Variants in HELZ observed in about 807,000 individuals in gnomAD.
HELZ encodes helicase with zinc finger.
HELZ carries 23 observed loss-of-function variants against 218.2 expected under a neutral mutation model. That is an observed-to-expected ratio of 0.11 (90% CI 0.08 to 0.15). The LOEUF is 0.15. Among genes scored for constraint, HELZ ranks in the 10% least tolerant of loss-of-function variants. The pLI is 1.00. For missense variants in HELZ, 1,813 were observed against 2,353.7 expected (o/e 0.77, Z 4.75); for synonymous variants, 814 against 829.4 (o/e 0.98, Z 0.32).
At chr17:67,114,780 A>C (rs2037381045) in intron 27 of HELZ, among the ~76,000 whole-genome samples, 1 of 152,240 alleles carries the variant, frequency 6.6e-6, no homozygotes, top group African/African-American at 2.4e-5. Context: ...TTATAAATGC[A>C]ATTAAGCAAA....
At chr17:67,139,894 C>A (rs564014349) in intron 21 of HELZ, among the ~76,000 whole-genome samples, 1 of 152,270 alleles carries the variant, frequency 6.6e-6, no homozygotes, top group East Asian at 1.9e-4. Flanking sequence ...CTATGATAAG[C>A]AGTTGGTAGT....
intron 22 of HELZ, 60 bp downstream of exon 22, chr17:67,137,871 T>C (rs2038201360): frequency 5.6e-6 from 7 of 1,246,884 alleles, no homozygotes; most frequent in African/African-American, 1.5e-5. Context: ...AAAAATCCAA[T>C]GTGAACACAC....
At chr17:67,228,707 C>CATT (rs375631612) in intron 3 of HELZ, among the ~76,000 whole-genome samples, 12,303 of 147,448 alleles carry the variant, frequency 0.083, 1,206 homozygotes, top group African/African-American at 0.23. Context: ...CAAATTGATA[C>CATT]ATTATTATTA....
Position 67,151,050 on chromosome 17 carries a change from T to C in HELZ, c.2352A>G (p.Glu784=). ...TSQYLCQLDL[E]PGFFTHILLD... The stretch of plus-strand genomic sequence containing the variant: ...CTGTGTCTTGAGTCAGCATACCAGG[T>C]TCAAGGTCCAACTGACAGAGGTACT... Residue 784 remains glutamate, a synonymous_variant, in exon 18 of 33, where the codon GAA becomes GAG. Transcript: ENST00000358691. The C allele has an allele frequency of 6.2e-7, 1 of 1,613,338 alleles. No individual in the cohort carries two copies. Among genetic ancestry groups the C allele is most frequent in the East Asian group, 2.2e-5 (1 of 44,862 alleles).
intron 17 of HELZ, among the ~76,000 whole-genome samples, chr17:67,154,977 T>C (rs1027605658): frequency 1.3e-5 from 2 of 152,216 alleles, no homozygotes; most frequent in African/African-American, 4.8e-5. Flanking sequence ...AGAAAAACTA[T>C]GCAGTTATGA....
chr17:67,151,472 T>A (rs2038680863), intron 17 of HELZ, among the ~76,000 whole-genome samples: 1 of 152,206 alleles, frequency 6.6e-6, no homozygotes, highest in South Asian at 2.1e-4. Context: ...CACCTAATTA[T>A]TTTTAAGTGT....
intron 31 of HELZ, among the ~76,000 whole-genome samples, chr17:67,102,570 A>ACAAC (rs2143702209): frequency 6.6e-6 from 1 of 152,338 alleles, no homozygotes; most frequent in East Asian, 1.9e-4. Context: ...AGTGGGAGGG[A>ACAAC]AAAGCCTTTT....
chr17:67,215,995 G>A, intron 4 of HELZ, 60 bp from the exon 5 acceptor site: 1 of 946,604 alleles, frequency 1.1e-6, no homozygotes, highest in Non-Finnish European at 1.7e-6. Context: ...TAACAGAGAT[G>A]TTGTCAAAGG....
chr17:67,226,775 C>T (rs1479432342), intron 3 of HELZ, among the ~76,000 whole-genome samples: 1 of 152,090 alleles, frequency 6.6e-6, no homozygotes, highest in African/African-American at 2.4e-5. Context: ...ATAAACAGAC[C>T]TCTTTGTGAT....
chr17:67,245,938 G>C (rs1390885751), upstream of HELZ: 1 of 152,280 alleles, frequency 6.6e-6, no homozygotes, highest in Middle Eastern at 3.4e-3. Flanking sequence ...CCCTGGGAGC[G>C]TCCGGGCTGC....
intron 3 of HELZ, among the ~76,000 whole-genome samples, chr17:67,223,438 T>C (rs1315021696): frequency 6.6e-6 from 1 of 151,728 alleles, no homozygotes; most frequent in Non-Finnish European, 1.5e-5. Flanking sequence ...GTCTTGACTC[T>C]TTCTCTTCCT....
chr17:67,080,259 A>C (rs2036147521), intron 32 of HELZ, among the ~76,000 whole-genome samples: 3 of 152,068 alleles, frequency 2.0e-5, no homozygotes. Context: ...ATTATTACTA[A>C]ATTCTTTTGT....
intron 13 of HELZ, chr17:67,173,030 G>T: frequency 1.0e-6 from 1 of 980,928 alleles, no homozygotes; most frequent in Non-Finnish European, 1.2e-6. Flanking sequence ...GAATCCTCTT[G>T]TGACATTGGT....
chr17:67,242,717 C>T (rs1195385825), intron 2 of HELZ, among the ~76,000 whole-genome samples: 1 of 151,786 alleles, frequency 6.6e-6, no homozygotes, highest in Non-Finnish European at 1.5e-5. Flanking sequence ...ATAAGCACTG[C>T]TGAGTTTCAA....
chr17:67,107,271 A>G lies in HELZ; in HGVS notation c.5139T>C (p.Pro1713=). 6.2e-7 allele frequency: 1 copy of G among 1,614,192 alleles called. No homozygotes were observed. The highest frequency in any genetic ancestry group is 8.5e-7 in the Non-Finnish European group (1 of 1,180,022). The change falls in exon 31 of 33, where the codon CCT becomes CCC. Residue 1713 remains proline (P), a synonymous_variant. Transcript: ENST00000358691. ...GTTGATGATTCTGTATTTGTACAAA[A>G]GGGTTCTGCGGTGGCCTGTGAGGCA... ...PPLPHRPPQN[P]FVQIQNHQHA... is the part of the protein sequence containing the mutation.
At chr17:67,244,667 C>G in intron 1 of HELZ, 1 of 979,588 alleles carries the variant, frequency 1.0e-6, no homozygotes. Context: ...CACTTTTCCC[C>G]ACGCCCCCGC....
Position 67,109,514 on chromosome 17 carries a change from G to A in HELZ, c.4091C>T (p.Pro1364Leu). ...TGGAAAGGGTGGTCTTGGTAGCTGGGGAAGGGGATGAAAGTGGCGATTAGG... is the reference window on the plus strand; with the variant it reads ...TGGAAAGGGTGGTCTTGGTAGCTGGAGAAGGGGATGAAAGTGGCGATTAGG... ...AIPNRHFHPL[P>L]QLPRPPFPIP... Residue 1364 changes from proline to leucine, a missense_variant, in exon 29 of 33, where the codon CCC becomes CTC. By Grantham distance (98) the Pro-to-Leu change is moderately conservative (BLOSUM62 -3). This residue lies in a region of HELZ where 938 missense variants were observed against 1,027.5 expected (regional missense o/e 0.91). Transcript: ENST00000358691. 5.6e-6 allele frequency: 9 copies of A among 1,614,190 alleles called. No individual in the cohort carries two copies. Among genetic ancestry groups the A allele is most frequent in the Non-Finnish European group, 7.6e-6 (9 of 1,180,034 alleles).
At chr17:67,154,755 G>A (rs754385694) in intron 17 of HELZ, among the ~76,000 whole-genome samples, 1 of 151,958 alleles carries the variant, frequency 6.6e-6, no homozygotes, top group African/African-American at 2.4e-5. Context: ...TTGGTGAGGG[G>A]GAAATTTTAC....
intron 28 of HELZ, 150 bp downstream of exon 28, chr17:67,114,174 A>G (rs915052168): frequency 3.4e-6 from 2 of 591,244 alleles, no homozygotes; most frequent in African/African-American, 3.7e-5. Context: ...ATGAAGAAAG[A>G]GAAGGCAATA....
Sources: gnomAD v4.1 joint callset for allele counts (sites outside exome capture counted in the v4.1 genomes callset) on GRCh38, gnomAD v4.1.1 for gene constraint, gnomAD v4.1.1 regional missense constraint, MANE v1.5 for transcripts, NCBI Gene and HGNC (gene_info 2026-07-23, HGNC 2026-07-21) for gene names.